The following RNF213 variants were observed in gnomAD, a reference collection of about 807,000 sequenced individuals.
RNF213 encodes E3 ubiquitin-protein ligase RNF213.
A neutral mutation model predicts 514.4 loss-of-function variants in RNF213; 341 were observed. That is an observed-to-expected ratio of 0.66 (90% CI 0.61 to 0.73). The LOEUF is 0.73. Among genes scored for constraint, RNF213 ranks in the 30% least tolerant of loss-of-function variants. The probability of loss-of-function intolerance (pLI) is 0.00; values close to 1 mark genes in which losing one functional copy is unlikely to be tolerated. For missense variants in RNF213, 5,767 were observed against 6,615.6 expected (o/e 0.87, Z 4.45); for synonymous variants, 2,655 against 2,658.2 (o/e 1.00, Z 0.04).
At position 80,297,151 on chromosome 17, in the gene RNF213, G is replaced by A. The variant is rs141932054; in HGVS notation, c.2013-1170G>A. Among the ~76,000 whole-genome samples, 41 of 150,494 alleles carry A rather than the reference G, an allele frequency of 2.7e-4. No homozygotes were observed. The East Asian group carries it at 7.5e-3, about 27-fold the overall frequency. ...TATTGTTTATAGGCTCAACCCTTAC[G>A]TTTAAAAAGTTGTTTTGGGGCCGGG... On this transcript the variant is annotated intron_variant, in intron 10 of 67. Coordinates refer to ENST00000582970, the MANE Select transcript of RNF213 (RefSeq NM_001256071.3).
At chr17:80,276,493 A>G (rs2044061528) in intron 3 of RNF213, among the ~76,000 whole-genome samples, 1 of 152,196 alleles carries the variant, frequency 6.6e-6, no homozygotes, top group Non-Finnish European at 1.5e-5. Context: ...AAGATGTGAA[A>G]AGAATGAAGA....
chr17:80,371,864 C>T lies in RNF213; in HGVS notation c.12426-10C>T, dbSNP rs771947537. 9.8e-6 allele frequency: 13 copies of T among 1,325,348 alleles called. No individual in the cohort carries two copies. Among genetic ancestry groups the T allele is most frequent in the Non-Finnish European group, 1.4e-5 (13 of 918,046 alleles). 82.1% of individuals were successfully genotyped at this position (1,325,348 alleles called of 1,614,324 possible). ...TGAGAGAACCAGGAATAATATTTCT[C>T]TTTCTGCAGCTTTCATGATGTAAAA... On this transcript the variant is annotated splice_polypyrimidine_tract_variant and intron_variant, in intron 46 of 67. Transcript: ENST00000582970.
chr17:80,309,269 G>A, intron 14 of RNF213, 98 bp downstream of exon 14: 1 of 1,419,728 alleles, frequency 7.0e-7, no homozygotes, highest in Non-Finnish European at 9.9e-7. Context: ...CCCGGGTGCT[G>A]GGATGAGATG....
chr17:80,376,070 G>A (rs1049438249), intron 51 of RNF213, among the ~76,000 whole-genome samples, 200 bp downstream of exon 51: 1 of 152,142 alleles, frequency 6.6e-6, no homozygotes, highest in Non-Finnish European at 1.5e-5. Context: ...CTAAAGCCAA[G>A]AACATAAGAT....
Position 80,332,285 on chromosome 17 carries a change from G to C in RNF213, c.3797G>C (p.Arg1266Thr). ...AGTGAGCCCGAAGAAGAATCAGAAA[G>C]GCACATCCTTGAGCTTGAAGAGGTG... ...LLSEPEEESE[R>T]HILELEEVYD... Residue 1266 changes from arginine to threonine, a missense_variant, in exon 21 of 68, where the codon AGG becomes ACG. Around this residue, in one of 13 missense-constraint regions of RNF213, gnomAD observed 516 missense variants for 566.5 expected, o/e 0.91. Coordinates refer to ENST00000582970, the MANE Select transcript of RNF213 (RefSeq NM_001256071.3). The C allele has an allele frequency of 6.5e-7, 1 of 1,537,228 alleles. No individual in the cohort carries two copies. The highest frequency in any genetic ancestry group is 8.7e-7 in the Non-Finnish European group (1 of 1,146,912).
intron 22 of RNF213, among the ~76,000 whole-genome samples, chr17:80,335,212 G>A (rs1027022408): frequency 1.3e-5 from 2 of 152,220 alleles, no homozygotes; most frequent in Non-Finnish European, 2.9e-5. Flanking sequence ...GTACAGGCGT[G>A]AGCCACCGCG....
chr17:80,384,956 C>G (rs574558485), intron 59 of RNF213, 83 bp from the exon 60 acceptor site: 1 of 1,404,432 alleles, frequency 7.1e-7, no homozygotes, highest in Non-Finnish European at 1.0e-6. Flanking sequence ...ATACAAGTCT[C>G]GCAGCCAGTC....
At chr17:80,388,851 T>G (rs7223701) in intron 64 of RNF213, 162 bp downstream of exon 64, 68,485 of 700,516 alleles carry the variant, frequency 0.098, 4,950 homozygotes, top group African/African-American at 0.29. Context: ...AATCAGCAAG[T>G]TTTCTTGTAG....
At chr17:80,290,406 T>TGTGTGTGCGTGTGTGCGAGTGTGCGC (rs2044661124) in intron 6 of RNF213, among the ~76,000 whole-genome samples, 164 bp from the exon 7 acceptor site, 3 of 136,780 alleles carry the variant, frequency 2.2e-5, no homozygotes, top group Non-Finnish European at 4.7e-5. Context: ...CGTGTGCTTG[T>TGTGTGTGCGTGTGTGCGAGTGTGCGC]GTGTGTGCGT....
intron 25 of RNF213, 62 bp downstream of exon 25, chr17:80,338,059 G>T (rs1312274637): frequency 2.4e-5 from 37 of 1,519,764 alleles, no homozygotes; most frequent in Non-Finnish European, 3.3e-5. Flanking sequence ...TGAGGGCTGT[G>T]TACTCCCAAG....
At chr17:80,385,016 C>G (rs768076521) in intron 59 of RNF213, 23 bp from the exon 60 acceptor site, 10 of 1,605,650 alleles carry the variant, frequency 6.2e-6, no homozygotes, top group African/African-American at 1.3e-5. Flanking sequence ...AAAATTGTTA[C>G]TGGGTGGTCT....
intron 22 of RNF213, 36 bp from the exon 23 acceptor site, chr17:80,336,125 T>G (rs1000474482): frequency 1.3e-6 from 2 of 1,482,946 alleles, no homozygotes; most frequent in South Asian, 1.2e-5. Context: ...TATCGTGGAA[T>G]AGTCCCACGC....
At chr17:80,324,874 T>C (rs2046237828) in intron 17 of RNF213, among the ~76,000 whole-genome samples, 156 bp from the exon 18 acceptor site, 1 of 152,180 alleles carries the variant, frequency 6.6e-6, no homozygotes, top group African/African-American at 2.4e-5. Context: ...TTCGAAGAAA[T>C]GTAAAGTGTT....
At position 80,345,633 on chromosome 17, in the gene RNF213, T is replaced by G; in HGVS notation, c.7298T>G (p.Leu2433Arg). ...GCGKTRLIKF[L>R]SDLRRGGTNA... ...GGGAAAACCAGGCTTATTAAATTCC[T>G]TAGCGACCTGCGGCGTGGTGGTACC... The change falls in exon 29 of 68, where the codon CTT becomes CGT. Residue 2433 changes from leucine to arginine, a missense_variant. Transcript: ENST00000582970. The surrounding 1 kb of genome is among the most constrained non-coding windows in gnomAD (Gnocchi z 6.0). 1 of 1,614,230 alleles carries G rather than the reference T, an allele frequency of 6.2e-7. No homozygotes were observed. The highest frequency in any genetic ancestry group is 8.5e-7 in the Non-Finnish European group (1 of 1,180,046).
At chr17:80,304,515 C>T (rs958028588) in intron 11 of RNF213, among the ~76,000 whole-genome samples, 1 of 152,042 alleles carries the variant, frequency 6.6e-6, no homozygotes, top group Non-Finnish European at 1.5e-5. Context: ...TGGCAGGCGC[C>T]TGTAGTCACA....
In RNF213 at chr17:80,372,639, A is replaced by G. The variant is rs1393933178; in HGVS notation, c.12656A>G (p.Asn4219Ser). Residue 4219 changes from asparagine (N) to serine (S), a missense_variant, in exon 48 of 68, where the codon AAC becomes AGC. By Grantham distance (46) the Asn-to-Ser change is conservative. Transcript: ENST00000582970. ...GCAAGCCGGGGCCGAGAGCCTGCCA[A>G]CGAGGCCTCGGTTGAATACCTGCAA... is the stretch of plus-strand genomic sequence containing the variant. ...SPASRGREPA[N>S]EASVEYLQEV... 4 of 1,614,052 alleles carry G rather than the reference A, an allele frequency of 2.5e-6. No homozygotes were observed. The highest frequency in any genetic ancestry group is 2.2e-5 in the South Asian group (2 of 91,064).
Position 80,349,312 on chromosome 17 carries a change from G to A in RNF213, c.9952-458G>A, listed in dbSNP as rs373608445. On this transcript the variant is annotated intron_variant, in intron 29 of 67. Coordinates refer to ENST00000582970, the MANE Select transcript of RNF213 (RefSeq NM_001256071.3). Reference sequence around the variant, plus strand: ...AGGGATTCCTGGGCTAGAGCAGCAGGCCTCGAGGAACGTTTCGACTTGCAC... The same window carrying A: ...AGGGATTCCTGGGCTAGAGCAGCAGACCTCGAGGAACGTTTCGACTTGCAC... Among the ~76,000 whole-genome samples, 3 of 152,324 alleles carry A rather than the reference G, an allele frequency of 2.0e-5. No homozygotes were observed. The East Asian group carries it at 5.8e-4, about 29-fold the overall frequency.
rs568757818 is a variant in RNF213, at chr17:80,397,744, G to C, written c.*4246G>C. 1.3e-5 allele frequency: 2 copies of C among 151,276 alleles called. No homozygotes were observed. Among genetic ancestry groups the C allele is most frequent in the South Asian group, 4.2e-4 (2 of 4,720 alleles). The allele number at this position is 151,276 out of a possible 1,614,324, so 9.4% of individuals were successfully genotyped here. On this transcript the variant is annotated 3_prime_UTR_variant, in exon 68 of 68. Transcript: ENST00000582970. ...GCTGAATAAAGCCCTTCTTTAACTCGTGTCTGAGGGGTTTTCTCTGCAGCT... is the reference window on the plus strand; with the variant it reads ...GCTGAATAAAGCCCTTCTTTAACTCCTGTCTGAGGGGTTTTCTCTGCAGCT...
chr17:80,359,909 T>A, intron 37 of RNF213, 152 bp from the exon 38 acceptor site: 1 of 739,032 alleles, frequency 1.4e-6, no homozygotes, highest in Non-Finnish European at 2.3e-6. Context: ...ACAGAAACCC[T>A]GTACTGTGAA....
Sources: gnomAD v4.1 joint callset for allele counts (sites outside exome capture counted in the v4.1 genomes callset) on GRCh38, gnomAD v4.1.1 for gene constraint, gnomAD v4.1.1 regional missense constraint, Gnocchi (gnomAD v3.1) non-coding constraint, MANE v1.5 for transcripts, NCBI Gene and HGNC (gene_info 2026-07-23, HGNC 2026-07-21) for gene names.